Variants in SPATS2 observed in about 807,000 individuals in gnomAD.
SPATS2 encodes the protein spermatogenesis-associated serine-rich protein 2.
In SPATS2, 38 loss-of-function variants were observed where a neutral mutation model predicts 63.7. The observed-to-expected ratio is 0.60, with a 90% CI of 0.46 to 0.78. The LOEUF is 0.78. Among genes scored for constraint, SPATS2 ranks in the 30% least tolerant of loss-of-function variants. The probability of loss-of-function intolerance (pLI) is 0.00; values close to 1 mark genes in which losing one functional copy is unlikely to be tolerated. For synonymous variants in SPATS2, 207 were observed against 232.9 expected (o/e 0.89, Z 1.01); for missense variants, 588 against 666.2 (o/e 0.88, Z 1.29).
chr12:49,424,513 G>C (rs1945038507), intron 2 of SPATS2, among the ~76,000 whole-genome samples: 1 of 152,094 alleles, frequency 6.6e-6, no homozygotes, highest in Non-Finnish European at 1.5e-5. Context: ...TGTTTTATCT[G>C]TCTAGTAGAT....
intron 2 of SPATS2, among the ~76,000 whole-genome samples, chr12:49,388,503 A>G (rs983023010): frequency 6.6e-6 from 1 of 151,794 alleles, no homozygotes; most frequent in Admixed American, 6.6e-5. Flanking sequence ...CCTTATGAGC[A>G]ATTGGGACTA....
intron 2 of SPATS2, among the ~76,000 whole-genome samples, chr12:49,373,525 A>C (rs544725574): frequency 2.6e-5 from 4 of 152,212 alleles, no homozygotes; most frequent in South Asian, 4.1e-4. Context: ...GTGGGAGGCC[A>C]CTTTGACCTC....
intron 2 of SPATS2, among the ~76,000 whole-genome samples, chr12:49,385,459 A>G (rs888285403): frequency 6.6e-6 from 1 of 151,822 alleles, no homozygotes; most frequent in Non-Finnish European, 1.5e-5. Flanking sequence ...AGAAACTAAT[A>G]TTTGAGGAAA....
At chr12:49,521,116 T>G (rs964737225) in intron 11 of SPATS2, among the ~76,000 whole-genome samples, 1 of 152,222 alleles carries the variant, frequency 6.6e-6, no homozygotes, top group South Asian at 2.1e-4. Flanking sequence ...GCATTCTAAA[T>G]AATTGCTTAT....
intron 13 of SPATS2, among the ~76,000 whole-genome samples, chr12:49,525,113 T>C (rs1947010973): frequency 6.6e-6 from 1 of 152,222 alleles, no homozygotes; most frequent in Non-Finnish European, 1.5e-5. Context: ...CTGCTGACTT[T>C]CTTGTGTTGG....
intron 4 of SPATS2, among the ~76,000 whole-genome samples, chr12:49,486,052 C>T (rs1347800146): frequency 2.0e-5 from 3 of 151,068 alleles, no homozygotes; most frequent in African/African-American, 7.3e-5. Context: ...AGCCACTGCA[C>T]CTGGCCTCTC....
intron 2 of SPATS2, among the ~76,000 whole-genome samples, chr12:49,457,810 T>C (rs912554802): frequency 3.9e-5 from 6 of 152,182 alleles, no homozygotes; most frequent in South Asian, 2.1e-4. Flanking sequence ...TTTTGGCAGA[T>C]CTGAGTTCTG....
In SPATS2 at chr12:49,526,172, C is replaced by T. The variant is rs1336408836; in HGVS notation, c.1555C>T (p.Pro519Ser). Residue 519 changes from proline (P) to serine (S), a missense_variant, in exon 14 of 14, where the codon CCC becomes TCC. Physicochemically the swap from Pro to Ser is moderately conservative, Grantham distance 74. Transcript: ENST00000552918. ...GTNGTGVSME[P>S]SPPTPSFKKG... ...CAATGGAACTGGAGTCAGCATGGAG[C>T]CCAGCCCTCCCACGCCTTCATTCAA... The T allele has an allele frequency of 1.2e-6, 2 of 1,614,062 alleles. No individual in the cohort carries two copies. Among genetic ancestry groups the T allele is most frequent in the Non-Finnish European group, 1.7e-6 (2 of 1,180,040 alleles).
chr12:49,378,261 GTTTAT>G (rs199537085), intron 2 of SPATS2, among the ~76,000 whole-genome samples: 1,466 of 144,200 alleles, frequency 0.01, 14 homozygotes, highest in African/African-American at 0.028. Context: ...TTGAGTTAAT[GTTTAT>G]TTTATTTTAT....
chr12:49,438,163 A>T (rs543209739), intron 2 of SPATS2, among the ~76,000 whole-genome samples: 6 of 151,952 alleles, frequency 3.9e-5, no homozygotes, highest in African/African-American at 1.4e-4. Flanking sequence ...TCTATCACTG[A>T]TATTATTTTT....
intron 3 of SPATS2, among the ~76,000 whole-genome samples, chr12:49,482,682 A>G (rs1946226498): frequency 6.6e-6 from 1 of 152,190 alleles, no homozygotes; most frequent in Non-Finnish European, 1.5e-5. Flanking sequence ...CTTGACTGAA[A>G]TAGCTGCTTT....
At chr12:49,506,828 T>C (rs1278271913) in intron 9 of SPATS2, among the ~76,000 whole-genome samples, 2 of 150,534 alleles carry the variant, frequency 1.3e-5, no homozygotes, top group Admixed American at 6.6e-5. Flanking sequence ...AGCAAGACCC[T>C]GTCTCTTTAA....
chr12:49,366,927 C>G (rs1025721962), upstream of SPATS2: 3 of 152,048 alleles, frequency 2.0e-5, no homozygotes, highest in Non-Finnish European at 4.4e-5. Flanking sequence ...CGGGTACGAG[C>G]TGTGCTGCAC....
intron 2 of SPATS2, among the ~76,000 whole-genome samples, chr12:49,436,058 G>A (rs1945277710): frequency 6.6e-6 from 1 of 151,710 alleles, no homozygotes; most frequent in Non-Finnish European, 1.5e-5. Flanking sequence ...ACACAGACAT[G>A]GCAACCATCC....
intron 9 of SPATS2, among the ~76,000 whole-genome samples, chr12:49,503,186 C>T (rs184678196): frequency 8.6e-5 from 13 of 151,234 alleles, no homozygotes; most frequent in Admixed American, 7.9e-4. Flanking sequence ...CCCATCTCTA[C>T]TAAACATTCA....
At chr12:49,411,993 AT>A (rs1444554573) in intron 2 of SPATS2, among the ~76,000 whole-genome samples, 1 of 152,146 alleles carries the variant, frequency 6.6e-6, no homozygotes, top group Non-Finnish European at 1.5e-5. Flanking sequence ...AACACATCGA[AT>A]TGTATATCTT....
At chr12:49,429,219 T>C (rs1261195625) in intron 2 of SPATS2, among the ~76,000 whole-genome samples, 1 of 152,200 alleles carries the variant, frequency 6.6e-6, no homozygotes, top group Non-Finnish European at 1.5e-5. Flanking sequence ...GTCTTTTAAA[T>C]TTCCAGAAAT....
intron 10 of SPATS2, among the ~76,000 whole-genome samples, chr12:49,518,229 G>A (rs1474404433): frequency 1.3e-5 from 2 of 152,220 alleles, no homozygotes; most frequent in Admixed American, 1.3e-4. Flanking sequence ...GAATAGCAGA[G>A]TCCCTTCCCT....
intron 9 of SPATS2, among the ~76,000 whole-genome samples, chr12:49,513,826 G>A (rs902656133): frequency 6.6e-5 from 10 of 152,076 alleles, no homozygotes; most frequent in African/African-American, 1.7e-4. Flanking sequence ...TAGATGCAAG[G>A]CCATCAAATT....
Sources: gnomAD v4.1 joint callset for allele counts (sites outside exome capture counted in the v4.1 genomes callset) on GRCh38, gnomAD v4.1.1 for gene constraint, MANE v1.5 for transcripts, NCBI Gene and HGNC (gene_info 2026-07-23, HGNC 2026-07-21) for gene names.